Variants in PCDHA4 observed in about 807,000 individuals in gnomAD.
PCDHA4 encodes protocadherin alpha 4.
In PCDHA4, 49 loss-of-function variants were observed where a neutral mutation model predicts 61.4. The observed-to-expected ratio is 0.80, with a 90% CI of 0.63 to 1.01. The LOEUF (loss-of-function observed/expected upper bound fraction) is 1.01. PCDHA4 is among the 50% of genes least tolerant of loss of function. The pLI is 0.00. For synonymous variants in PCDHA4, 590 were observed against 550.3 expected, an observed-to-expected ratio of 1.07 and a Z score of -1.01; for missense variants, 1,254 against 1,235.8, an observed-to-expected ratio of 1.01 and a Z score of -0.22.
chr5:140,976,691 C>T (rs1219355793), intron 1 of PCDHA4, among the ~76,000 whole-genome samples: 1 of 152,126 alleles, frequency 6.6e-6, no homozygotes, highest in Non-Finnish European at 1.5e-5. Context: ...AATTTAAGTA[C>T]AATAATGTTG....
chr5:140,926,651 C>T, intron 1 of PCDHA4: 1 of 496,446 alleles, frequency 2.0e-6, no homozygotes, highest in Non-Finnish European at 3.3e-6. Context: ...CCGGCCGGCT[C>T]CGCTTTCCCA....
At chr5:140,823,223 C>A (rs1367836220) in intron 1 of PCDHA4, 3 of 1,613,554 alleles carry the variant, frequency 1.9e-6, no homozygotes, top group East Asian at 4.5e-5. Context: ...GACGCGGACG[C>A]GCAGGAGAAC....
chr5:140,816,424 C>T (rs1554127056), intron 1 of PCDHA4: 2 of 152,046 alleles, frequency 1.3e-5, no homozygotes, highest in African/African-American at 2.4e-5. Flanking sequence ...GCTCACTGAA[C>T]ATCTTTATGA....
intron 1 of PCDHA4, among the ~76,000 whole-genome samples, chr5:140,909,754 G>T (rs2074670000): frequency 6.6e-6 from 1 of 152,100 alleles, no homozygotes; most frequent in Non-Finnish European, 1.5e-5. Context: ...AATGACCACA[G>T]GATGAGTCCA....
chr5:140,906,327 A>G (rs1240461628), intron 1 of PCDHA4, among the ~76,000 whole-genome samples: 2 of 152,322 alleles, frequency 1.3e-5, no homozygotes, highest in African/African-American at 4.8e-5. Flanking sequence ...TGATACAACT[A>G]TCCTTCATAC....
At chr5:140,980,722 A>G (rs1318137295) in intron 2 of PCDHA4, among the ~76,000 whole-genome samples, 1 of 152,356 alleles carries the variant, frequency 6.6e-6, no homozygotes, top group South Asian at 2.1e-4. Context: ...TCGGGTTTCA[A>G]TTAAGATATT....
At chr5:140,985,739 CTTT>C (rs11372071) in intron 3 of PCDHA4, among the ~76,000 whole-genome samples, 5 of 117,900 alleles carry the variant, frequency 4.2e-5, no homozygotes, top group Non-Finnish European at 1.7e-5. Context: ...TGATGAATTC[CTTT>C]TTTTTTTTTT....
intron 1 of PCDHA4, chr5:140,821,793 A>C: frequency 6.2e-7 from 1 of 1,612,486 alleles, no homozygotes; most frequent in Non-Finnish European, 8.5e-7. Flanking sequence ...ATTCCCGGAG[A>C]GGAAGTCTGG....
chr5:140,851,300 A>G (rs2042018039), intron 1 of PCDHA4: 2 of 1,017,502 alleles, frequency 2.0e-6, no homozygotes, highest in East Asian at 1.2e-4. Context: ...GCAAAAATAT[A>G]TAGCAATTGT....
chr5:140,928,161 C>G (rs155820), intron 1 of PCDHA4: 543,775 of 1,613,884 alleles, frequency 0.34, 93,301 homozygotes, highest in East Asian at 0.51. Flanking sequence ...GTGGCTCACC[C>G]CCACTTAGCA....
At chr5:140,844,541 T>C (rs1361373728) in intron 1 of PCDHA4, among the ~76,000 whole-genome samples, 3 of 149,594 alleles carry the variant, frequency 2.0e-5, no homozygotes, top group Non-Finnish European at 4.5e-5. Flanking sequence ...TTCAACCCTT[T>C]GTTCATGAGT....
At chr5:140,998,977 ATAG>A (rs2097842205) in intron 3 of PCDHA4, among the ~76,000 whole-genome samples, 1 of 152,242 alleles carries the variant, frequency 6.6e-6, no homozygotes, top group African/African-American at 2.4e-5. Flanking sequence ...ATCCTAGAAA[ATAG>A]TAGAAAGCAG....
chr5:140,941,310 C>T (rs1375547519), intron 1 of PCDHA4, among the ~76,000 whole-genome samples: 10 of 79,218 alleles, frequency 1.3e-4, no homozygotes, highest in Non-Finnish European at 1.8e-4. Flanking sequence ...CTTTCTTTTT[C>T]TTCTTTCTCT....
chr5:140,957,591 C>T (rs1554223040), intron 1 of PCDHA4, among the ~76,000 whole-genome samples: 1 of 151,946 alleles, frequency 6.6e-6, no homozygotes, highest in African/African-American at 2.4e-5. Flanking sequence ...CAAAGCACTT[C>T]CCAGAATAAA....
chr5:140,881,679 A>G (rs2058790767), intron 1 of PCDHA4, among the ~76,000 whole-genome samples: 1 of 152,220 alleles, frequency 6.6e-6, no homozygotes, highest in Non-Finnish European at 1.5e-5. Flanking sequence ...TGTGATTGTT[A>G]TGTTTCCTTT....
chr5:140,834,621 C>G lies in PCDHA4; in HGVS notation c.2385+25049C>G, dbSNP rs1479128016. On this transcript the variant is annotated intron_variant, in intron 1 of 3. Coordinates refer to ENST00000530339, the MANE Select transcript of PCDHA4 (RefSeq NM_018907.4). ...TGGGGATCTTCTGGAGGTAAATCTG[C>G]AGAATGGCATTTTGTTTGTGAATTC... The G allele has an allele frequency of 2.5e-6, 4 of 1,614,176 alleles. No homozygotes were observed. In the African/African-American group the frequency reaches 5.3e-5, roughly 22 times the overall value.
chr5:140,870,879 G>T (rs1554164779), intron 1 of PCDHA4: 2 of 1,613,952 alleles, frequency 1.2e-6, no homozygotes, highest in African/African-American at 2.7e-5. Context: ...TGGTGGCGAA[G>T]GTGCGCGCAG....
intron 1 of PCDHA4, chr5:140,875,488 C>G: frequency 3.7e-6 from 6 of 1,612,568 alleles, no homozygotes; most frequent in Non-Finnish European, 5.1e-6. Flanking sequence ...GATTATCGGA[C>G]CAAGAGGCCC....
At chr5:140,906,713 G>A (rs1554192665) in intron 1 of PCDHA4, among the ~76,000 whole-genome samples, 1 of 152,160 alleles carries the variant, frequency 6.6e-6, no homozygotes, top group Non-Finnish European at 1.5e-5. Flanking sequence ...AGTCCTGCCT[G>A]GATTGTGCTG....
Sources: allele counts gnomAD v4.1 joint callset (sites outside exome capture counted in the v4.1 genomes callset), GRCh38; gene constraint gnomAD v4.1.1; transcripts MANE v1.5; gene names NCBI Gene and HGNC (gene_info 2026-07-23, HGNC 2026-07-21).